Variants in PZP observed in about 807,000 individuals in gnomAD.
The protein encoded by PZP is PZP alpha-2-macroglobulin like.
PZP carries 150 observed loss-of-function variants against 179.8 expected under a neutral mutation model. The ratio of observed to expected loss-of-function variants is 0.83; its 90% CI spans 0.73 to 0.96. The LOEUF (loss-of-function observed/expected upper bound fraction) is 0.96, where lower values mean the gene tolerates loss of function less well. Ranked by LOEUF, PZP falls within the 40% of genes least tolerant of loss-of-function variation. The pLI, the probability that PZP is intolerant of heterozygous loss-of-function variation, is 0.00. For synonymous variants in PZP, 624 were observed against 652.3 expected (o/e 0.96, Z 0.66); for missense variants, 1,689 against 1,764.0 (o/e 0.96, Z 0.76).
intron 15 of PZP, among the ~76,000 whole-genome samples, chr12:9,179,445 C>A (rs759842139): frequency 6.6e-6 from 1 of 152,116 alleles, no homozygotes; most frequent in South Asian, 2.1e-4. Flanking sequence ...CAAGTGTCAC[C>A]CCCATGAATT....
At position 9,196,680 on chromosome 12, in the gene PZP, G is replaced by A. The variant is rs781560625; in HGVS notation, c.873C>T (p.Asn291=). ...CTTGTTGGGTGATGCAGCCATTGCT[G>A]TTAAGCTGAGAAAAATACCAAAACC... ...EVCEEFSQQL[N]SNGCITQQVH... Residue 291 remains asparagine, a synonymous_variant, in exon 9 of 36, where the codon AAC becomes AAT. Transcript: ENST00000261336. The A allele has an allele frequency of 3.1e-6, 5 of 1,600,410 alleles. No individual in the cohort carries two copies. The highest frequency in any genetic ancestry group is 4.3e-6 in the Non-Finnish European group (5 of 1,167,634).
intron 13 of PZP, among the ~76,000 whole-genome samples, chr12:9,188,113 C>T (rs11049331): frequency 0.56 from 84,946 of 151,924 alleles, 23,773 homozygotes; most frequent in Admixed American, 0.63. Flanking sequence ...AACATTGATG[C>T]GAAAATCCTC....
intron 15 of PZP, 53 bp downstream of exon 15, chr12:9,180,930 A>G: frequency 2.0e-5 from 31 of 1,566,244 alleles, no homozygotes; most frequent in Non-Finnish European, 2.7e-5. Context: ...AGGCTTCTTG[A>G]TCTGAGCCTC....
In PZP at chr12:9,153,257, CTGAACGG is replaced by C. The variant is rs772544692; in HGVS notation, c.3854_3860del (p.Thr1285ArgfsTer12). ...AATTTGTAGAAAAGGTCTGTGAATC[CTGAACGG>C]TGACCTGTGCAGTTTTCTCAGTTCT... On this transcript the variant is annotated frameshift_variant, in exon 30 of 36. Coordinates refer to ENST00000261336, the MANE Select transcript of PZP (RefSeq NM_002864.3). LOFTEE classifies it high-confidence loss of function. 5.6e-6 allele frequency: 9 copies of C among 1,614,046 alleles called. No individual in the cohort carries two copies. The highest frequency in any genetic ancestry group is 1.3e-5 in the African/African-American group (1 of 74,922).
At chr12:9,139,199 G>A in the PZP span, among the ~76,000 whole-genome samples, 21 of 152,088 alleles carry the variant, frequency 1.4e-4, no homozygotes, top group Admixed American at 3.3e-4. Flanking sequence ...CTTTTCAAGA[G>A]TCTGTTGTTT....
chr12:9,152,918 C>T lies in PZP; in HGVS notation c.4027G>A (p.Glu1343Lys). 2 of 1,614,142 alleles carry T rather than the reference C, an allele frequency of 1.2e-6. No homozygotes were observed. Among genetic ancestry groups the T allele is most frequent in the Non-Finnish European group, 1.7e-6 (2 of 1,180,018 alleles). Residue 1343 changes from glutamate to lysine, a missense_variant, in exon 31 of 36, where the codon GAG becomes AAG. This residue lies in a region of PZP where 746 missense variants were observed against 749.2 expected (regional missense o/e 1.00). Coordinates refer to ENST00000261336, the MANE Select transcript of PZP (RefSeq NM_002864.3). ...SMKYNILPEK[E>K]DSPFALKVQT... The stretch of plus-strand genomic sequence containing the variant: ...ACTTTTAAAGCAAATGGGGAGTCCT[C>T]TTTCTCTGGAAGAATATTGTATTTC...
downstream of PZP, among the ~76,000 whole-genome samples, chr12:9,144,960 T>A (rs1939932689): frequency 6.6e-6 from 1 of 152,238 alleles, no homozygotes; most frequent in African/African-American, 2.4e-5. Context: ...ATGCCAGTGC[T>A]TGTCCAAGAT....
In PZP at chr12:9,154,672, T is replaced by A. The variant is rs1413203488; in HGVS notation, c.3718A>T (p.Ile1240Phe). 6.8e-6 allele frequency: 11 copies of A among 1,614,008 alleles called. No homozygotes were observed. Among genetic ancestry groups the A allele is most frequent in the Non-Finnish European group, 9.3e-6 (11 of 1,180,036 alleles). Residue 1240 changes from isoleucine (I) to phenylalanine (F), a missense_variant, in exon 29 of 36, where the codon ATT becomes TTT. By Grantham distance (21) the Ile-to-Phe change is conservative. Around this residue, in one of 3 missense-constraint regions of PZP, gnomAD observed 746 missense variants for 749.2 expected, o/e 1.00. Coordinates refer to ENST00000261336, the MANE Select transcript of PZP (RefSeq NM_002864.3). ...TSGDLTSATNIVKWIMKQQNA... is the reference protein window; with the variant it reads ...TSGDLTSATNFVKWIMKQQNA... ...TGCTGCTTCATGATCCACTTCACAATGTTAGTTGCAGAGGTCAGGTCCCCT... is the reference window on the plus strand; with the variant it reads ...TGCTGCTTCATGATCCACTTCACAAAGTTAGTTGCAGAGGTCAGGTCCCCT...
intron 35 of PZP, 92 bp from the exon 36 acceptor site, chr12:9,149,086 A>G (rs1940166065): frequency 5.8e-6 from 7 of 1,204,084 alleles, no homozygotes; most frequent in Admixed American, 1.8e-5. Context: ...ATGCAGGGTC[A>G]GGAAACTTTG....
At chr12:9,147,555 T>G (rs2120456515), downstream of PZP, among the ~76,000 whole-genome samples, 1 of 152,314 alleles carries the variant, frequency 6.6e-6, no homozygotes, top group Non-Finnish European at 1.5e-5. Context: ...TCAATTAGCC[T>G]TTGAATTTCT....
intron 15 of PZP, among the ~76,000 whole-genome samples, chr12:9,172,528 C>A (rs150548570): frequency 6.6e-6 from 1 of 152,252 alleles, no homozygotes; most frequent in Non-Finnish European, 1.5e-5. Flanking sequence ...AGTTAAAAGA[C>A]ACAGAATGGC....
At chr12:9,195,244 A>T (rs1943701455) in intron 10 of PZP, among the ~76,000 whole-genome samples, 1 of 152,134 alleles carries the variant, frequency 6.6e-6, no homozygotes, top group South Asian at 2.1e-4. Flanking sequence ...AAAAATTTAA[A>T]ATAATAAAAA....
chr12:9,189,333 T>G (rs6487662), intron 13 of PZP, among the ~76,000 whole-genome samples: 85,204 of 151,898 alleles, frequency 0.56, 23,928 homozygotes, highest in Admixed American at 0.63. Context: ...GCAGAGACCA[T>G]AAATAATGCT....
Position 9,202,633 on chromosome 12 carries a change from T to C in PZP, c.319A>G (p.Lys107Glu), listed in dbSNP as rs1283281305. 1 of 1,613,986 alleles carries C rather than the reference T, an allele frequency of 6.2e-7. No homozygotes were observed. Among genetic ancestry groups the C allele is most frequent in the Non-Finnish European group, 8.5e-7 (1 of 1,179,992 alleles). The stretch of plus-strand genomic sequence containing the variant: ...TTCCTGAAATCTTGCGTAGGCCCCT[T>C]TATCTGGATGCTAAGGAATGCCACC... ...SEVAFLSIQIKGPTQDFRKRN... is the reference protein window; with the variant it reads ...SEVAFLSIQIEGPTQDFRKRN... The change falls in exon 3 of 36, where the codon AAG becomes GAG. Residue 107 changes from lysine (K) to glutamate (E), a missense_variant. Around this residue, in one of 3 missense-constraint regions of PZP, gnomAD observed 742 missense variants for 730.5 expected, o/e 1.02. Coordinates refer to ENST00000261336, the MANE Select transcript of PZP (RefSeq NM_002864.3).
Position 9,182,070 on chromosome 12 carries a change from G to T in PZP, c.1594C>A (p.Pro532Thr). ...LSFPVESDVA[P>T]IARMFIFAIL... Reference sequence around the variant, plus strand: ...GCAAAGATGAACATTCGTGCAATGGGGGCAACGTCTGACTCCACAGGGAAG... The same window carrying T: ...GCAAAGATGAACATTCGTGCAATGGTGGCAACGTCTGACTCCACAGGGAAG... Residue 532 changes from proline (P) to threonine (T), a missense_variant, in exon 14 of 36, where the codon CCC becomes ACC. Coordinates refer to ENST00000261336, the MANE Select transcript of PZP (RefSeq NM_002864.3). 6.2e-7 allele frequency: 1 copy of T among 1,613,754 alleles called. No homozygotes were observed. The highest frequency in any genetic ancestry group is 8.5e-7 in the Non-Finnish European group (1 of 1,179,824).
intron 15 of PZP, among the ~76,000 whole-genome samples, chr12:9,171,155 G>A (rs946721143): frequency 6.6e-6 from 1 of 152,198 alleles, no homozygotes; most frequent in Non-Finnish European, 1.5e-5. Context: ...GGCACAGGCT[G>A]CCATCTTTGC....
At chr12:9,200,578 CT>C in intron 6 of PZP, 130 bp from the exon 7 acceptor site, 3 of 755,756 alleles carry the variant, frequency 4.0e-6, no homozygotes, top group South Asian at 3.8e-5. Flanking sequence ...AATGTATCAA[CT>C]TTAAGATGGT....
Position 9,165,466 on chromosome 12 carries a change from C to A in PZP, c.2259-99G>T. The A allele has an allele frequency of 2.2e-6, 3 of 1,343,816 alleles. No individual in the cohort carries two copies. The South Asian group carries it at 4.0e-5, about 18-fold the overall frequency. The allele number at this position is 1,343,816 out of a possible 1,614,324, so 83.2% of individuals were successfully genotyped here. ...ATAAAGCTAACGTCAAGAACTGAAT[C>A]CACTTAAGGGTATATGCGAGTGTGC... is the stretch of plus-strand genomic sequence containing the variant. On this transcript the variant is annotated intron_variant, in intron 18 of 35. Transcript: ENST00000261336.
chr12:9,176,405 T>A (rs1278300170), intron 15 of PZP, among the ~76,000 whole-genome samples: 1 of 152,176 alleles, frequency 6.6e-6, no homozygotes, highest in Non-Finnish European at 1.5e-5. Flanking sequence ...TGGCACATGT[T>A]TACCTATGTA....
Sources: gnomAD v4.1 joint callset for allele counts (sites outside exome capture counted in the v4.1 genomes callset) on GRCh38, gnomAD v4.1.1 for gene constraint, gnomAD v4.1.1 regional missense constraint, MANE v1.5 for transcripts, NCBI Gene and HGNC (gene_info 2026-07-23, HGNC 2026-07-21) for gene names.